The following MON2 variants were observed in gnomAD, a reference collection of about 807,000 sequenced individuals.
The protein encoded by MON2 is MON2 regulator of endosome-to-Golgi trafficking, also known as protein MON2 homolog.
Under a neutral mutation model 208.6 loss-of-function variants are expected in MON2, and 84 were observed. The observed-to-expected ratio is 0.40, with a 90% CI of 0.34 to 0.48. The LOEUF is 0.48. Ranked by LOEUF, MON2 falls within the 20% of genes least tolerant of loss-of-function variation. MON2 has a pLI of 0.59. For synonymous variants in MON2, 660 were observed against 694.0 expected, an observed-to-expected ratio of 0.95 and a Z score of 0.77; for missense variants, 1,611 against 2,015.4, an observed-to-expected ratio of 0.80 and a Z score of 3.84.
intron 34 of MON2, chr12:62,588,955 T>C (rs2075306503): frequency 7.9e-7 from 1 of 1,273,866 alleles, no homozygotes; most frequent in Non-Finnish European, 1.1e-6. Flanking sequence ...AAAGCTTTTT[T>C]ATGTGTACTT....
chr12:62,581,485 C>T (rs151299059), intron 32 of MON2, among the ~76,000 whole-genome samples: 8 of 152,128 alleles, frequency 5.3e-5, no homozygotes, highest in African/African-American at 9.6e-5. Flanking sequence ...CCCAGGAGGC[C>T]GAGGTGACGG....
intron 34 of MON2, 73 bp from the exon 35 acceptor site, chr12:62,592,513 G>A (rs2075428784): frequency 4.9e-6 from 6 of 1,234,968 alleles, no homozygotes; most frequent in Non-Finnish European, 3.4e-6. Flanking sequence ...CAGTTTAAAG[G>A]ATTGTGTTCA....
chr12:62,516,934 A>T (rs1498713), intron 8 of MON2, among the ~76,000 whole-genome samples: 56,120 of 151,984 alleles, frequency 0.37, 10,555 homozygotes, highest in African/African-American at 0.41. Context: ...AAATAATTAC[A>T]ATATAGTAAT....
intron 28 of MON2, 22 bp from the exon 29 acceptor site, chr12:62,566,300 A>G: frequency 2.5e-6 from 4 of 1,596,798 alleles, no homozygotes; most frequent in East Asian, 2.2e-5. Flanking sequence ...TTTTAACTGC[A>G]TGTGAAAATA....
chr12:62,527,483 CA>C (rs776366738), intron 11 of MON2, among the ~76,000 whole-genome samples: 63 of 152,078 alleles, frequency 4.1e-4, no homozygotes, highest in Middle Eastern at 3.4e-3. Flanking sequence ...TTGCCTTGTA[CA>C]AAAGGTAATG....
At chr12:62,509,054 A>G (rs538976441) in intron 8 of MON2, 1 of 152,206 alleles carries the variant, frequency 6.6e-6, no homozygotes, top group East Asian at 1.9e-4. Context: ...TGTTTTTTTA[A>G]AATTCTGTGT....
At chr12:62,497,605 C>T (rs981141712) in intron 4 of MON2, among the ~76,000 whole-genome samples, 41 of 151,950 alleles carry the variant, frequency 2.7e-4, no homozygotes, top group African/African-American at 9.7e-4. Context: ...GGGAAACTGG[C>T]GGTTTCTTTC....
At chr12:62,551,689 C>G (rs2073753451) in intron 23 of MON2, among the ~76,000 whole-genome samples, 1 of 151,986 alleles carries the variant, frequency 6.6e-6, no homozygotes, top group African/African-American at 2.4e-5. Flanking sequence ...TGAAGCACAA[C>G]AAAGAGAAGT....
chr12:62,576,653 C>A (rs1042774367), intron 30 of MON2, among the ~76,000 whole-genome samples: 2 of 151,760 alleles, frequency 1.3e-5, no homozygotes, highest in Non-Finnish European at 2.9e-5. Context: ...TTATTTGTAA[C>A]CTGCAGTATT....
intron 32 of MON2, among the ~76,000 whole-genome samples, chr12:62,583,972 A>C (rs1200362889): frequency 4.7e-5 from 7 of 148,778 alleles, no homozygotes; most frequent in South Asian, 2.1e-4. Context: ...AAAAAAAAAA[A>C]AACAAAAAAA....
intron 2 of MON2, chr12:62,490,057 G>A: frequency 8.5e-7 from 1 of 1,177,520 alleles, no homozygotes. Context: ...CAATTATGCA[G>A]TGAAACTGCT....
chr12:62,516,199 C>T (rs1408501985), intron 8 of MON2, among the ~76,000 whole-genome samples: 3 of 152,048 alleles, frequency 2.0e-5, no homozygotes, highest in Non-Finnish European at 4.4e-5. Context: ...TGTTCTCACT[C>T]GTTTGTAAGA....
intron 19 of MON2, among the ~76,000 whole-genome samples, chr12:62,540,490 G>C (rs1180069547): frequency 6.6e-6 from 1 of 152,086 alleles, no homozygotes; most frequent in African/African-American, 2.4e-5. Flanking sequence ...GCAGGTTAAT[G>C]TAAATCAAAA....
At chr12:62,513,751 C>T (rs1392244180) in intron 8 of MON2, among the ~76,000 whole-genome samples, 1 of 123,118 alleles carries the variant, frequency 8.1e-6, no homozygotes, top group South Asian at 2.4e-4. Flanking sequence ...TCGAGACCAT[C>T]GTGGCTAACA....
intron 24 of MON2, among the ~76,000 whole-genome samples, chr12:62,555,360 T>C (rs1198409920): frequency 4.6e-5 from 7 of 151,942 alleles, no homozygotes; most frequent in African/African-American, 1.5e-4. Flanking sequence ...TGGGTTTTTT[T>C]TTTGGTAGGG....
chr12:62,554,243 G>C (rs1216840610), intron 24 of MON2, among the ~76,000 whole-genome samples: 1 of 151,692 alleles, frequency 6.6e-6, no homozygotes, highest in African/African-American at 2.4e-5. Flanking sequence ...TTCTGTAATT[G>C]ATTTCCAGAC....
chr12:62,519,557 A>T (rs564684891), intron 8 of MON2, among the ~76,000 whole-genome samples: 45 of 152,354 alleles, frequency 3.0e-4, no homozygotes, highest in African/African-American at 1.1e-3. Context: ...ATTTTTATGA[A>T]AAATAATTAT....
At chr12:62,507,576 C>A (rs1463972064) in intron 7 of MON2, among the ~76,000 whole-genome samples, 1 of 152,022 alleles carries the variant, frequency 6.6e-6, no homozygotes, top group Non-Finnish European at 1.5e-5. Flanking sequence ...ATCTCAGCCT[C>A]CCAAAGTGCT....
At chr12:62,538,070 GTT>G in intron 16 of MON2, 24 bp from the exon 17 acceptor site, 1 of 652,584 alleles carries the variant, frequency 1.5e-6, no homozygotes, top group South Asian at 2.7e-5. Flanking sequence ...AAAGTTATTT[GTT>G]TTGATTTTTT....
Sources: gnomAD v4.1 joint callset for allele counts (sites outside exome capture counted in the v4.1 genomes callset) on GRCh38, gnomAD v4.1.1 for gene constraint, MANE v1.5 for transcripts, NCBI Gene and HGNC (gene_info 2026-07-23, HGNC 2026-07-21) for gene names.